Variants in MIPOL1 observed in about 807,000 individuals in gnomAD.
MIPOL1 encodes mirror-image polydactyly gene 1 protein.
MIPOL1 carries 57 observed loss-of-function variants against 60.9 expected under a neutral mutation model. That is an observed-to-expected ratio of 0.94 (90% CI 0.76 to 1.17). The LOEUF (loss-of-function observed/expected upper bound fraction) is 1.17. Among genes scored for constraint, MIPOL1 ranks in the 50% most tolerant of loss-of-function variants. MIPOL1 has a pLI of 0.00. For synonymous variants in MIPOL1, 179 were observed against 168.8 expected (o/e 1.06, Z -0.47); for missense variants, 551 against 511.6 (o/e 1.08, Z -0.74).
At chr14:37,433,080 A>T (rs1479539931) in intron 11 of MIPOL1, among the ~76,000 whole-genome samples, 1 of 152,128 alleles carries the variant, frequency 6.6e-6, no homozygotes, top group Non-Finnish European at 1.5e-5. Context: ...TTTATTTTTG[A>T]CTCAGGGTCT....
At chr14:37,387,955 A>C (rs910050053) in intron 10 of MIPOL1, among the ~76,000 whole-genome samples, 2 of 151,946 alleles carry the variant, frequency 1.3e-5, no homozygotes, top group African/African-American at 2.4e-5. Context: ...AATTGAACCA[A>C]GAGAAGGGAA....
chr14:37,445,264 C>G (rs569967884), intron 11 of MIPOL1, among the ~76,000 whole-genome samples: 1 of 152,232 alleles, frequency 6.6e-6, no homozygotes, highest in South Asian at 2.1e-4. Context: ...AAATCACAAG[C>G]ATTCTTATAC....
At chr14:37,240,770 C>T (rs1158854100) in intron 1 of MIPOL1, among the ~76,000 whole-genome samples, 2 of 151,768 alleles carry the variant, frequency 1.3e-5, no homozygotes, top group Non-Finnish European at 2.9e-5. Context: ...TCATTTGCAG[C>T]TGGCACTAAA....
At chr14:37,434,082 G>C (rs1313039989) in intron 11 of MIPOL1, among the ~76,000 whole-genome samples, 1 of 152,042 alleles carries the variant, frequency 6.6e-6, no homozygotes, top group Admixed American at 6.6e-5. Flanking sequence ...GGTATTTCTG[G>C]TTCTAGATCC....
chr14:37,526,126 T>C (rs570553712), intron 12 of MIPOL1, among the ~76,000 whole-genome samples: 1 of 151,870 alleles, frequency 6.6e-6, no homozygotes, highest in Non-Finnish European at 1.5e-5. Flanking sequence ...AAAATATGAT[T>C]TCTTAATAAT....
intron 11 of MIPOL1, among the ~76,000 whole-genome samples, chr14:37,430,572 G>A (rs1320714091): frequency 6.7e-6 from 1 of 149,572 alleles, no homozygotes; most frequent in African/African-American, 2.4e-5. Context: ...TTAAGCATTT[G>A]TCTCTTCTTC....
intron 10 of MIPOL1, among the ~76,000 whole-genome samples, chr14:37,371,866 A>G (rs2092649037): frequency 6.6e-6 from 1 of 152,122 alleles, no homozygotes; most frequent in Non-Finnish European, 1.5e-5. Context: ...TTGTCATATG[A>G]GTTATGAATA....
At chr14:37,531,563 A>C (rs1382050648) in intron 12 of MIPOL1, among the ~76,000 whole-genome samples, 1 of 152,244 alleles carries the variant, frequency 6.6e-6, no homozygotes, top group Non-Finnish European at 1.5e-5. Context: ...TGATTTACTC[A>C]AAATAGGTAT....
intron 11 of MIPOL1, among the ~76,000 whole-genome samples, chr14:37,496,903 A>G (rs1315073278): frequency 6.6e-6 from 1 of 151,062 alleles, no homozygotes; most frequent in African/African-American, 2.4e-5. Flanking sequence ...TTCAAACTAT[A>G]CTACAAGGCT....
At chr14:37,223,616 C>A (rs1176885961) in intron 1 of MIPOL1, among the ~76,000 whole-genome samples, 1 of 152,052 alleles carries the variant, frequency 6.6e-6, no homozygotes, top group African/African-American at 2.4e-5. Flanking sequence ...GATTTTCCTG[C>A]CTCAGCCTGC....
chr14:37,386,855 G>A (rs375642575), intron 10 of MIPOL1, among the ~76,000 whole-genome samples: 35 of 151,926 alleles, frequency 2.3e-4, no homozygotes, highest in Middle Eastern at 6.8e-3. Context: ...TAACAATATC[G>A]TTCATACTCC....
rs2090369813 is a variant in MIPOL1, at chr14:37,338,695, C to T, written c.828+30176C>T. Among the ~76,000 whole-genome samples, 3 of 152,264 alleles carry T rather than the reference C, an allele frequency of 2.0e-5. No homozygotes were observed. In the South Asian group the frequency reaches 6.2e-4, roughly 32 times the overall value. ...AAGTGCTGGAATTACAGATGTGAGC[C>T]ACCATGCCCAGCCATTTTTATCAAG... On this transcript the variant is annotated intron_variant, in intron 9 of 12. Transcript: ENST00000684589.
At chr14:37,448,020 G>A (rs1010758903) in intron 11 of MIPOL1, among the ~76,000 whole-genome samples, 26 of 152,110 alleles carry the variant, frequency 1.7e-4, no homozygotes, top group African/African-American at 6.0e-4. Context: ...AGCAGAAAGA[G>A]TGCATACTTT....
chr14:37,522,745 G>T (rs911235358), intron 12 of MIPOL1, among the ~76,000 whole-genome samples: 1 of 152,050 alleles, frequency 6.6e-6, no homozygotes, highest in African/African-American at 2.4e-5. Flanking sequence ...ATCATTTATC[G>T]TGTAGTATAA....
chr14:37,295,791 C>A (rs1237836658), intron 7 of MIPOL1, among the ~76,000 whole-genome samples: 1 of 152,148 alleles, frequency 6.6e-6, no homozygotes, highest in Non-Finnish European at 1.5e-5. Flanking sequence ...CAGGAGCACC[C>A]AGATTCATAA....
At chr14:37,438,345 C>G (rs1180151860) in intron 11 of MIPOL1, among the ~76,000 whole-genome samples, 1 of 152,112 alleles carries the variant, frequency 6.6e-6, no homozygotes, top group African/African-American at 2.4e-5. Flanking sequence ...TGTCTTATAT[C>G]TTGGAGTTCA....
intron 7 of MIPOL1, among the ~76,000 whole-genome samples, chr14:37,286,906 T>C (rs1427204354): frequency 1.3e-5 from 2 of 152,208 alleles, no homozygotes; most frequent in Non-Finnish European, 2.9e-5. Flanking sequence ...GAAGGATAGA[T>C]GGCTTGGGGT....
intron 10 of MIPOL1, among the ~76,000 whole-genome samples, chr14:37,410,758 A>C (rs1262070833): frequency 6.6e-6 from 1 of 152,178 alleles, no homozygotes; most frequent in Non-Finnish European, 1.5e-5. Context: ...ATTAATATTA[A>C]ATTTTTGATA....
At chr14:37,255,918 T>C (rs1343245770) in intron 3 of MIPOL1, among the ~76,000 whole-genome samples, 1 of 151,844 alleles carries the variant, frequency 6.6e-6, no homozygotes, top group Non-Finnish European at 1.5e-5. Context: ...ATTAGGATGC[T>C]GATGGGTGAA....
Sources: allele counts gnomAD v4.1 joint callset (sites outside exome capture counted in the v4.1 genomes callset), GRCh38; gene constraint gnomAD v4.1.1; transcripts MANE v1.5; gene names NCBI Gene and HGNC (gene_info 2026-07-23, HGNC 2026-07-21).